HPF1: variants seen among roughly 807,000 people sequenced by gnomAD.
HPF1 encodes the protein histone PARylation factor 1, also known as UPF0609 protein C4orf27.
In HPF1, 35 loss-of-function variants were observed where a neutral mutation model predicts 38.8. That is an observed-to-expected ratio of 0.90 (90% CI 0.69 to 1.19). The LOEUF is 1.19. Ranked by LOEUF, HPF1 falls within the 50% of genes most tolerant of loss-of-function variation. The probability of loss-of-function intolerance (pLI) is 0.00; values close to 1 mark genes in which losing one functional copy is unlikely to be tolerated. For missense variants in HPF1, 367 were observed against 405.8 expected (o/e 0.90, Z 0.82); for synonymous variants, 115 against 139.2 (o/e 0.83, Z 1.22).
At chr4:169,750,273 A>T (rs1405041555) in intron 3 of HPF1, among the ~76,000 whole-genome samples, 1 of 152,206 alleles carries the variant, frequency 6.6e-6, no homozygotes, top group Admixed American at 6.5e-5. Flanking sequence ...GCTCTAAATT[A>T]TCTTTCTTGG....
At chr4:169,746,689 G>C (rs1734051370) in intron 4 of HPF1, among the ~76,000 whole-genome samples, 1 of 151,810 alleles carries the variant, frequency 6.6e-6, no homozygotes, top group South Asian at 2.1e-4. Flanking sequence ...AATATATAAA[G>C]AAATTAAGTG....
chr4:169,741,528 GGA>G (rs1267668622), intron 5 of HPF1, among the ~76,000 whole-genome samples: 3 of 152,078 alleles, frequency 2.0e-5, no homozygotes, highest in African/African-American at 7.2e-5. Flanking sequence ...GCAGACATTA[GGA>G]GAGATGCAAA....
At chr4:169,753,961 G>A (rs1035512432) in intron 1 of HPF1, 126 bp from the exon 2 acceptor site, 1 of 705,682 alleles carries the variant, frequency 1.4e-6, no homozygotes, top group Non-Finnish European at 2.3e-6. Flanking sequence ...TCTCTAAATG[G>A]TCTTTGAGTA....
intron 1 of HPF1, among the ~76,000 whole-genome samples, chr4:169,754,236 A>G (rs1046754871): frequency 6.6e-6 from 1 of 152,202 alleles, no homozygotes; most frequent in African/African-American, 2.4e-5. Flanking sequence ...GATATAAGCA[A>G]TTCATCAGTT....
At chr4:169,755,836 G>A (rs988932154) in intron 1 of HPF1, among the ~76,000 whole-genome samples, 10 of 152,186 alleles carry the variant, frequency 6.6e-5, no homozygotes, top group East Asian at 1.9e-4. Context: ...AAGGCTGAAC[G>A]GATAGGAGAG....
chr4:169,746,015 A>G (rs1320495721), intron 4 of HPF1, among the ~76,000 whole-genome samples: 2 of 152,202 alleles, frequency 1.3e-5, no homozygotes, highest in African/African-American at 2.4e-5. Flanking sequence ...TAGGAAAATA[A>G]ATAAGGCAGA....
chr4:169,742,166 C>G (rs1452697447), intron 4 of HPF1, 59 bp from the exon 5 acceptor site: 2 of 1,485,922 alleles, frequency 1.3e-6, no homozygotes, highest in East Asian at 4.5e-5. Flanking sequence ...GTACAAAGAC[C>G]TTTCAAAGTT....
At chr4:169,753,489 TTTTTTG>T (rs1239067664) in intron 2 of HPF1, among the ~76,000 whole-genome samples, 181 bp downstream of exon 2, 1 of 152,098 alleles carries the variant, frequency 6.6e-6, no homozygotes, top group Non-Finnish European at 1.5e-5. Flanking sequence ...CCACGTCTAG[TTTTTTG>T]TTTTTGTTTT....
At chr4:169,756,575 C>T (rs1734190756) in intron 1 of HPF1, among the ~76,000 whole-genome samples, 1 of 152,178 alleles carries the variant, frequency 6.6e-6, no homozygotes, top group Non-Finnish European at 1.5e-5. Flanking sequence ...AGTTACTTAA[C>T]CTCTCTGTGC....
At chr4:169,750,410 G>A (rs1339961362) in intron 3 of HPF1, 126 bp downstream of exon 3, 29 of 625,224 alleles carry the variant, frequency 4.6e-5, no homozygotes, top group Non-Finnish European at 7.0e-5. Flanking sequence ...AAGAACAACA[G>A]ATGGCTCATA....
intron 3 of HPF1, 139 bp from the exon 4 acceptor site, chr4:169,748,981 A>G (rs1019826502): frequency 8.0e-6 from 4 of 499,952 alleles, no homozygotes; most frequent in Non-Finnish European, 1.4e-5. Context: ...TAATCATACC[A>G]GAATTTATCG....
At chr4:169,745,703 A>G (rs1423408593) in intron 4 of HPF1, among the ~76,000 whole-genome samples, 1 of 152,160 alleles carries the variant, frequency 6.6e-6, no homozygotes, top group Non-Finnish European at 1.5e-5. Flanking sequence ...GGGTCTTGCT[A>G]TGTCGTTTAG....
At chr4:169,743,441 T>TTTTTTTAA (rs1734006275) in intron 4 of HPF1, among the ~76,000 whole-genome samples, 1 of 134,750 alleles carries the variant, frequency 7.4e-6, no homozygotes, top group African/African-American at 2.8e-5. Context: ...TTTTCATTTT[T>TTTTTTTAA]AAAGAGACAG....
chr4:169,733,831 G>T (rs914215387), intron 6 of HPF1, among the ~76,000 whole-genome samples: 1 of 151,474 alleles, frequency 6.6e-6, no homozygotes, highest in African/African-American at 2.4e-5. Flanking sequence ...GGAGGTGCAG[G>T]CTGCAGTGAG....
chr4:169,755,522 A>G (rs988596052), intron 1 of HPF1, among the ~76,000 whole-genome samples: 3 of 152,192 alleles, frequency 2.0e-5, no homozygotes, highest in African/African-American at 7.2e-5. Context: ...ATCTTTGGCT[A>G]ATGAGATGGT....
intron 1 of HPF1, among the ~76,000 whole-genome samples, chr4:169,755,397 G>C (rs1734175881): frequency 6.6e-6 from 1 of 152,134 alleles, no homozygotes; most frequent in African/African-American, 2.4e-5. Flanking sequence ...CACTTATAGA[G>C]AGGGCCAACT....
In HPF1 at chr4:169,746,693, T is replaced by G. The variant is rs527651460; in HGVS notation, c.497+2051A>C. On this transcript the variant is annotated intron_variant, in intron 4 of 7. Transcript: ENST00000393381. ...ATAAATTTTAAAATATATAAAGAAA[T>G]TAAGTGTTCTGGTTAGCTGATTTAA... 5.9e-5 allele frequency among the ~76,000 whole-genome samples: 9 copies of G among 152,084 alleles called. No homozygotes were observed. The East Asian group carries it at 1.4e-3, about 23-fold the overall frequency.
intron 1 of HPF1, 35 bp downstream of exon 1, chr4:169,757,795 G>A (rs746680784): frequency 1.3e-6 from 2 of 1,541,136 alleles, no homozygotes; most frequent in Non-Finnish European, 1.7e-6. Flanking sequence ...CACCCAAAGC[G>A]CCCCGCGTAG....
chr4:169,745,079 C>A (rs1191317217), intron 4 of HPF1, among the ~76,000 whole-genome samples: 1 of 152,164 alleles, frequency 6.6e-6, no homozygotes, highest in Non-Finnish European at 1.5e-5. Flanking sequence ...AACTCACTCG[C>A]CAATTTCAGA....
Sources: allele counts gnomAD v4.1 joint callset (sites outside exome capture counted in the v4.1 genomes callset), GRCh38; gene constraint gnomAD v4.1.1; transcripts MANE v1.5; gene names NCBI Gene and HGNC (gene_info 2026-07-23, HGNC 2026-07-21).